Variants in PRR16 observed in about 807,000 individuals in gnomAD.
PRR16 encodes the protein protein Largen.
In PRR16, 6 loss-of-function variants were observed where a neutral mutation model predicts 18.2. The observed-to-expected ratio is 0.33, with a 90% CI of 0.18 to 0.65. The LOEUF (loss-of-function observed/expected upper bound fraction) is 0.65, where lower values mean the gene tolerates loss of function less well. Among genes scored for constraint, PRR16 ranks in the 30% least tolerant of loss-of-function variants. The pLI, the probability that PRR16 is intolerant of heterozygous loss-of-function variation, is 0.74. For missense variants in PRR16, 412 were observed against 376.6 expected, an observed-to-expected ratio of 1.09 and a Z score of -0.78; for synonymous variants, 151 against 147.8, an observed-to-expected ratio of 1.02 and a Z score of -0.16.
At chr5:120,655,400 G>T (rs1319345359) in intron 1 of PRR16, among the ~76,000 whole-genome samples, 6 of 141,988 alleles carry the variant, frequency 4.2e-5, no homozygotes, top group Non-Finnish European at 7.7e-5. Context: ...AAAAAAAAGA[G>T]GTTTTTATGG....
intron 1 of PRR16, among the ~76,000 whole-genome samples, chr5:120,575,190 G>C (rs1204355059): frequency 6.6e-6 from 1 of 151,998 alleles, no homozygotes; most frequent in East Asian, 1.9e-4. Context: ...GCACCCATTG[G>C]GGATCTTGGA....
At chr5:120,574,285 C>G (rs1387217493) in intron 1 of PRR16, among the ~76,000 whole-genome samples, 2 of 151,908 alleles carry the variant, frequency 1.3e-5, no homozygotes, top group African/African-American at 4.8e-5. Context: ...AAAAAATATA[C>G]AAAAGATATG....
At chr5:120,685,875 C>T in intron 1 of PRR16, 79 bp from the exon 2 acceptor site, 2 of 1,415,368 alleles carry the variant, frequency 1.4e-6, no homozygotes, top group African/African-American at 2.9e-5. Flanking sequence ...AGCAGATTTC[C>T]CCTAGACAAA....
intron 1 of PRR16, among the ~76,000 whole-genome samples, chr5:120,662,368 C>A (rs1756202409): frequency 6.6e-6 from 1 of 152,066 alleles, no homozygotes; most frequent in Admixed American, 6.6e-5. Flanking sequence ...CAGTTGCAAT[C>A]ATGTCTATTC....
At chr5:120,747,316 T>C in the PRR16 span, among the ~76,000 whole-genome samples, 1 of 152,168 alleles carries the variant, frequency 6.6e-6, no homozygotes, top group East Asian at 1.9e-4. Context: ...TACATTCAAG[T>C]TTTATTTTTT....
At chr5:120,742,926 A>G in the PRR16 span, among the ~76,000 whole-genome samples, 2 of 152,306 alleles carry the variant, frequency 1.3e-5, no homozygotes, top group South Asian at 2.1e-4. Context: ...GCACCACTCC[A>G]ACCTGTGCTT....
intron 1 of PRR16, among the ~76,000 whole-genome samples, chr5:120,588,597 A>G (rs1753529272): frequency 1.3e-5 from 2 of 152,200 alleles, no homozygotes; most frequent in Admixed American, 1.3e-4. Context: ...TTTAGACATA[A>G]TGCTATTACA....
At chr5:120,500,974 C>G (rs929440057) in intron 1 of PRR16, among the ~76,000 whole-genome samples, 1 of 151,356 alleles carries the variant, frequency 6.6e-6, no homozygotes, top group African/African-American at 2.4e-5. Context: ...TCCTATATAA[C>G]AACTCAGAAT....
At chr5:120,611,028 A>G (rs1487722375) in intron 1 of PRR16, among the ~76,000 whole-genome samples, 1 of 152,178 alleles carries the variant, frequency 6.6e-6, no homozygotes, top group African/African-American at 2.4e-5. Flanking sequence ...GAGATGAGAA[A>G]TTTGCTGAGA....
chr5:120,594,778 G>C (rs1168009109), intron 1 of PRR16, among the ~76,000 whole-genome samples: 1 of 152,024 alleles, frequency 6.6e-6, no homozygotes, highest in Non-Finnish European at 1.5e-5. Context: ...CAATGGAACA[G>C]AATAGAGAGC....
intron 1 of PRR16, among the ~76,000 whole-genome samples, chr5:120,682,078 C>T (rs1756990181): frequency 6.6e-6 from 1 of 152,170 alleles, no homozygotes; most frequent in Admixed American, 6.5e-5. Flanking sequence ...ATCTCAAAGG[C>T]TCTCACAGGA....
chr5:120,765,758 ATATGCCTTTTAGTCAC>A, the PRR16 span, among the ~76,000 whole-genome samples: 178 of 152,134 alleles, frequency 1.2e-3, no homozygotes, highest in Middle Eastern at 0.01. Context: ...CAAAGCCCCC[ATATGCCTTTTAGTCAC>A]TATTTCTCAC....
At chr5:120,794,229 A>G in the PRR16 span, among the ~76,000 whole-genome samples, 1 of 152,140 alleles carries the variant, frequency 6.6e-6, no homozygotes, top group African/African-American at 2.4e-5. Flanking sequence ...AGTATAAACT[A>G]TAAGAAAAAG....
the PRR16 span, among the ~76,000 whole-genome samples, chr5:120,783,145 AAG>A: frequency 6.6e-6 from 1 of 152,166 alleles, no homozygotes; most frequent in African/African-American, 2.4e-5. Flanking sequence ...ATTCATAAGA[AAG>A]AATTATTTGT....
At chr5:120,667,358 A>T (rs1325983853) in intron 1 of PRR16, among the ~76,000 whole-genome samples, 1 of 151,714 alleles carries the variant, frequency 6.6e-6, no homozygotes, top group East Asian at 1.9e-4. Flanking sequence ...TTTCTTTATT[A>T]GTCTTGCTAG....
At chr5:120,533,777 C>T (rs1185864968) in intron 1 of PRR16, among the ~76,000 whole-genome samples, 1 of 152,160 alleles carries the variant, frequency 6.6e-6, no homozygotes, top group Admixed American at 6.5e-5. Flanking sequence ...AAACTTTTAA[C>T]TTTTCTCTGA....
chr5:120,666,601 T>C lies in PRR16; in HGVS notation c.160-19353T>C, dbSNP rs1389172075. ...TATGATATTGGCTGTGGGTTTGTCA[T>C]AGGTAGCTCTTATTATTTTGAGCTA... On this transcript the variant is annotated intron_variant, in intron 1 of 1. Coordinates refer to ENST00000407149, the MANE Select transcript of PRR16 (RefSeq NM_001300783.2). Among the ~76,000 whole-genome samples the C allele has an allele frequency of 7.9e-5, 12 of 152,162 alleles. No homozygotes were observed. In the South Asian group the frequency reaches 1.0e-3, roughly 13 times the overall value.
the PRR16 span, among the ~76,000 whole-genome samples, chr5:120,766,793 C>T: frequency 1.6e-4 from 25 of 151,800 alleles, no homozygotes; most frequent in Non-Finnish European, 1.5e-4. Flanking sequence ...ATTGACAATT[C>T]CCCAAATGGT....
At chr5:120,769,853 A>G in the PRR16 span, among the ~76,000 whole-genome samples, 1 of 151,910 alleles carries the variant, frequency 6.6e-6, no homozygotes, top group Non-Finnish European at 1.5e-5. Context: ...TAATTTTGTC[A>G]TATCCTCACT....
Sources: gnomAD v4.1 joint callset for allele counts (sites outside exome capture counted in the v4.1 genomes callset) on GRCh38, gnomAD v4.1.1 for gene constraint, MANE v1.5 for transcripts, NCBI Gene and HGNC (gene_info 2026-07-23, HGNC 2026-07-21) for gene names.